Variants in CCBE1 observed in about 807,000 individuals in gnomAD.
The protein encoded by CCBE1 is collagen and calcium-binding EGF domain-containing protein 1.
A neutral mutation model predicts 50.0 loss-of-function variants in CCBE1; 37 were observed. The observed-to-expected ratio is 0.74, with a 90% CI of 0.57 to 0.97. CCBE1 has a LOEUF of 0.97. Ranked by LOEUF, CCBE1 falls within the 50% of genes least tolerant of loss-of-function variation. The pLI is 0.00. For missense variants in CCBE1, 538 were observed against 523.8 expected, an observed-to-expected ratio of 1.03 and a Z score of -0.26; for synonymous variants, 234 against 203.7, an observed-to-expected ratio of 1.15 and a Z score of -1.27.
chr18:59,464,642 T>C (rs571209398), intron 5 of CCBE1, among the ~76,000 whole-genome samples: 12 of 152,352 alleles, frequency 7.9e-5, no homozygotes, highest in African/African-American at 2.4e-4. Flanking sequence ...CAAAGACTTA[T>C]TTTGCATTTA....
intron 2 of CCBE1, among the ~76,000 whole-genome samples, chr18:59,481,074 G>A (rs1249284113): frequency 3.9e-5 from 6 of 152,124 alleles, no homozygotes; most frequent in African/African-American, 1.4e-4. Context: ...ATTTAACTAT[G>A]TTCAACTACA....
At chr18:59,533,954 A>G (rs939013934) in intron 2 of CCBE1, among the ~76,000 whole-genome samples, 18 of 152,226 alleles carry the variant, frequency 1.2e-4, no homozygotes, top group Admixed American at 2.0e-4. Context: ...TTCTACTATC[A>G]TATGTCCTGT....
chr18:59,671,221 A>G (rs920819216), intron 2 of CCBE1, among the ~76,000 whole-genome samples: 10 of 151,914 alleles, frequency 6.6e-5, no homozygotes, highest in Non-Finnish European at 8.8e-5. Flanking sequence ...AGTGGTGCCC[A>G]GGTGTGGTGG....
chr18:59,637,979 T>A (rs898195219), intron 2 of CCBE1, among the ~76,000 whole-genome samples: 2 of 152,198 alleles, frequency 1.3e-5, no homozygotes, highest in Admixed American at 6.5e-5. Context: ...AATTTTTAAC[T>A]AGCTTTGAGG....
At chr18:59,495,144 A>T (rs1913288971) in intron 2 of CCBE1, among the ~76,000 whole-genome samples, 1 of 152,218 alleles carries the variant, frequency 6.6e-6, no homozygotes. Flanking sequence ...CTGTCTTAAA[A>T]TAATTCCTTC....
chr18:59,661,146 C>T (rs571418990), intron 2 of CCBE1, among the ~76,000 whole-genome samples: 1 of 152,306 alleles, frequency 6.6e-6, no homozygotes, highest in Non-Finnish European at 1.5e-5. Flanking sequence ...AAGAAAACAT[C>T]TCAGCCATCT....
At chr18:59,617,942 CAT>C (rs1568236671) in intron 2 of CCBE1, among the ~76,000 whole-genome samples, 2 of 152,164 alleles carry the variant, frequency 1.3e-5, no homozygotes, top group African/African-American at 4.8e-5. Flanking sequence ...AAATTCCATA[CAT>C]TGACAGCTCG....
chr18:59,565,482 T>C (rs989336878), intron 2 of CCBE1, among the ~76,000 whole-genome samples: 1 of 152,156 alleles, frequency 6.6e-6, no homozygotes, highest in South Asian at 2.1e-4. Context: ...TGGGCCACAA[T>C]GTCCATAACT....
chr18:59,542,706 C>T (rs900340062), intron 2 of CCBE1, among the ~76,000 whole-genome samples: 6 of 152,180 alleles, frequency 3.9e-5, no homozygotes, highest in Non-Finnish European at 8.8e-5. Context: ...CAAGAAAGTA[C>T]GGGACTGAGG....
chr18:59,454,285 C>T (rs2143671819), intron 6 of CCBE1, among the ~76,000 whole-genome samples: 1 of 152,270 alleles, frequency 6.6e-6, no homozygotes, highest in Non-Finnish European at 1.5e-5. Context: ...ACTCTTGTTG[C>T]CCAGGCTGGA....
rs1912507320 is a variant in CCBE1 at position 59,480,219 on chromosome 18, A to G, written c.232T>C (p.Tyr78His). ...TCYRKKCCKG[Y>H]KFVLGQCIPE... is the part of the protein sequence containing the mutation. ...ATGCATTGTCCAAGAACAAATTTAT[A>G]TCCTTTGCAGCACTTTTTCCTAAGA... Residue 78 changes from tyrosine to histidine, a missense_variant, in exon 3 of 11, where the codon TAT becomes CAT. Physicochemically the swap from Tyr to His is moderately conservative, Grantham distance 83. Transcript: ENST00000439986. The G allele has an allele frequency of 6.3e-7, 1 of 1,598,642 alleles. No individual in the cohort carries two copies. The highest frequency in any genetic ancestry group is 8.6e-7 in the Non-Finnish European group (1 of 1,166,478).
chr18:59,471,583 T>C (rs962044773), intron 3 of CCBE1, among the ~76,000 whole-genome samples: 5 of 152,264 alleles, frequency 3.3e-5, no homozygotes, highest in Non-Finnish European at 5.9e-5. Context: ...TTAAAAGAAT[T>C]ACCTTGTATA....
chr18:59,489,404 T>C (rs929298815), intron 2 of CCBE1, among the ~76,000 whole-genome samples: 2 of 149,972 alleles, frequency 1.3e-5, no homozygotes, highest in Non-Finnish European at 3.0e-5. Context: ...TTTCTTATTT[T>C]TCTTCTTTTT....
At chr18:59,501,275 A>G (rs1053072698) in intron 2 of CCBE1, among the ~76,000 whole-genome samples, 7 of 152,194 alleles carry the variant, frequency 4.6e-5, no homozygotes, top group Admixed American at 2.0e-4. Context: ...TTCGTCCTCC[A>G]TAGGGACAGC....
chr18:59,641,396 C>T (rs2053987881), intron 2 of CCBE1, among the ~76,000 whole-genome samples: 1 of 152,110 alleles, frequency 6.6e-6, no homozygotes, highest in Non-Finnish European at 1.5e-5. Flanking sequence ...AACATCACAT[C>T]GTGTCCATAT....
intron 2 of CCBE1, among the ~76,000 whole-genome samples, chr18:59,611,232 T>G (rs2053564939): frequency 6.6e-6 from 1 of 152,208 alleles, no homozygotes; most frequent in Non-Finnish European, 1.5e-5. Flanking sequence ...CTTCTTCCCT[T>G]GCTTCCGAGT....
In CCBE1 at chr18:59,518,378, C is replaced by T. The variant is rs527399235; in HGVS notation, c.213-38140G>A. ...ACGACGCACGTGCCTGTAATTCTAG[C>T]TACTTGGGAGGCTGTGGCCGAAGGA... is the stretch of plus-strand genomic sequence containing the variant. On this transcript the variant is annotated intron_variant, in intron 2 of 10. Coordinates refer to ENST00000439986, the MANE Select transcript of CCBE1 (RefSeq NM_133459.4). Among the ~76,000 whole-genome samples the T allele has an allele frequency of 9.2e-5, 14 of 152,264 alleles. 1 individual carries two copies. Among genetic ancestry groups the T allele is most frequent in the Admixed American group, 5.9e-4 (9 of 15,298 alleles).
At chr18:59,457,644 A>C (rs1911259943) in intron 5 of CCBE1, among the ~76,000 whole-genome samples, 1 of 152,188 alleles carries the variant, frequency 6.6e-6, no homozygotes. Flanking sequence ...AACAGGATGA[A>C]CATGAATAAC....
chr18:59,687,510 T>C (rs937432694), intron 2 of CCBE1, among the ~76,000 whole-genome samples: 1 of 152,190 alleles, frequency 6.6e-6, no homozygotes, highest in African/African-American at 2.4e-5. Context: ...CAAAATACCA[T>C]TATCAGACTT....
Sources: gnomAD v4.1 joint callset for allele counts (sites outside exome capture counted in the v4.1 genomes callset) on GRCh38, gnomAD v4.1.1 for gene constraint, MANE v1.5 for transcripts, NCBI Gene and HGNC (gene_info 2026-07-23, HGNC 2026-07-21) for gene names.